Variants in CACNA1S observed in about 807,000 individuals in gnomAD.
CACNA1S encodes the protein voltage-dependent L-type calcium channel subunit alpha-1S.
CACNA1S carries 126 observed loss-of-function variants against 207.4 expected under a neutral mutation model. That is an observed-to-expected ratio of 0.61 (90% confidence interval 0.53 to 0.70). The LOEUF is 0.70. Ranked by LOEUF, CACNA1S falls within the 30% of genes least tolerant of loss-of-function variation. CACNA1S has a pLI of 0.00. For missense variants in CACNA1S, 2,349 were observed against 2,422.8 expected, an observed-to-expected ratio of 0.97 and a Z score of 0.64; for synonymous variants, 960 against 932.7, an observed-to-expected ratio of 1.03 and a Z score of -0.53.
At chr1:201,052,471 C>G (rs1356614708) in intron 32 of CACNA1S, 86 bp downstream of exon 32, 12 of 1,074,386 alleles carry the variant, frequency 1.1e-5, no homozygotes, top group Non-Finnish European at 1.7e-5. Flanking sequence ...ACCCATGAAG[C>G]CAGCCCTGGC....
intron 10 of CACNA1S, among the ~76,000 whole-genome samples, chr1:201,080,673 C>A (rs1458045056): frequency 6.6e-6 from 1 of 152,150 alleles, no homozygotes; most frequent in African/African-American, 2.4e-5. Flanking sequence ...CTGCCAGCTT[C>A]CATTGATTGT....
intron 10 of CACNA1S, among the ~76,000 whole-genome samples, chr1:201,081,750 G>A (rs761193708): frequency 3.3e-5 from 5 of 152,216 alleles, no homozygotes; most frequent in Non-Finnish European, 5.9e-5. Flanking sequence ...CTCATGAATG[G>A]CTTGGGCCAT....
At chr1:201,085,675 G>A in intron 7 of CACNA1S, 94 bp from the exon 8 acceptor site, 2 of 1,454,120 alleles carry the variant, frequency 1.4e-6, no homozygotes, top group Non-Finnish European at 1.9e-6. Context: ...CCCATTCTGT[G>A]ACTGGAGCGC....
intron 5 of CACNA1S, among the ~76,000 whole-genome samples, chr1:201,091,246 A>C (rs1662217202): frequency 6.6e-6 from 1 of 152,154 alleles, no homozygotes; most frequent in African/African-American, 2.4e-5. Flanking sequence ...TTCAGACCCT[A>C]TTCTGGGTGC....
chr1:201,060,046 C>T (rs1213572367), intron 26 of CACNA1S, among the ~76,000 whole-genome samples: 3 of 152,226 alleles, frequency 2.0e-5, no homozygotes, highest in East Asian at 1.9e-4. Flanking sequence ...TGATGATCCT[C>T]TGCGACCTGG....
intron 18 of CACNA1S, 28 bp downstream of exon 18, chr1:201,069,444 G>A (rs1279996765): frequency 6.2e-7 from 1 of 1,605,708 alleles, no homozygotes; most frequent in South Asian, 1.1e-5. Context: ...CAGGGGTGCT[G>A]AGTGGCAGAG....
At chr1:201,083,369 GC>G in intron 9 of CACNA1S, 47 bp from the exon 10 acceptor site, 1 of 1,597,688 alleles carries the variant, frequency 6.3e-7, no homozygotes, top group Non-Finnish European at 8.6e-7. Context: ...GCTGTTCTAC[GC>G]CCCACCTGTC....
In CACNA1S at chr1:201,053,455, G is replaced by T; in HGVS notation, c.3795+4C>A. On this transcript the variant is annotated splice_donor_region_variant and intron_variant, in intron 30 of 43. Coordinates refer to ENST00000362061, the MANE Select transcript of CACNA1S (RefSeq NM_000069.3). The surrounding 1 kb of genome is among the most constrained non-coding windows in gnomAD (Gnocchi z 5.1). ...ACGTGCAGTTTCCAGGGTCCCTGTT[G>T]CACCTGGAAGGACTTGATGAACGTC... 4.3e-6 allele frequency: 7 copies of T among 1,614,156 alleles called. No individual in the cohort carries two copies. The highest frequency in any genetic ancestry group is 5.9e-6 in the Non-Finnish European group (7 of 1,180,016).
At chr1:201,047,497 G>A (rs778716640) in intron 37 of CACNA1S, 28 bp downstream of exon 37, 2 of 1,569,006 alleles carry the variant, frequency 1.3e-6, no homozygotes, top group South Asian at 1.1e-5. Context: ...GCTGCTTCTG[G>A]ACTCTGGTCC....
chr1:201,099,910 T>G (rs1292770957), intron 2 of CACNA1S, among the ~76,000 whole-genome samples: 2 of 151,856 alleles, frequency 1.3e-5, no homozygotes, highest in Admixed American at 1.3e-4. Flanking sequence ...GTCTCAGGGG[T>G]AGAGCTCACA....
chr1:201,069,002 G>T, intron 19 of CACNA1S, 135 bp downstream of exon 19: 2 of 795,178 alleles, frequency 2.5e-6, no homozygotes, highest in East Asian at 2.7e-5. Context: ...CTGCCGGTGT[G>T]CTGGGTCCCA....
chr1:201,100,982 A>C (rs1478069849), intron 2 of CACNA1S, among the ~76,000 whole-genome samples: 1 of 152,196 alleles, frequency 6.6e-6, no homozygotes, highest in Non-Finnish European at 1.5e-5. Flanking sequence ...TCTTTAGCCT[A>C]GAAAGCGGAT....
At chr1:201,078,408 C>T (rs1181012593) in intron 10 of CACNA1S, among the ~76,000 whole-genome samples, 1 of 151,562 alleles carries the variant, frequency 6.6e-6, no homozygotes, top group Non-Finnish European at 1.5e-5. Context: ...TCATGTTGCC[C>T]AGGCTGGTCT....
chr1:201,068,835 G>A (rs1224864060), intron 19 of CACNA1S, among the ~76,000 whole-genome samples: 3 of 152,088 alleles, frequency 2.0e-5, no homozygotes, highest in African/African-American at 4.8e-5. Flanking sequence ...TAGTGCCATT[G>A]CACTCCAGCC....
chr1:201,086,906 T>C (rs1381530687), intron 7 of CACNA1S, among the ~76,000 whole-genome samples: 1 of 152,238 alleles, frequency 6.6e-6, no homozygotes, highest in Non-Finnish European at 1.5e-5. Flanking sequence ...TTGTTGCCTA[T>C]GTTCATTACT....
At position 201,084,973 on chromosome 1, in the gene CACNA1S, G is replaced by A. The variant is rs1558076490; in HGVS notation, c.1209C>T (p.Gly403=). Residue 403 remains glycine, a synonymous_variant, in exon 9 of 44, where the codon GGC becomes GGT. Transcript: ENST00000362061. ...ACATGAACTGGATGATTTTGTTCAA[G>A]CCTGCAATTTCATACAGGCTCTCTG... ...SDTESLYEIA[G]LNKIIQFIRH... 1 of 1,612,792 alleles carries A rather than the reference G, an allele frequency of 6.2e-7. No individual in the cohort carries two copies. The highest frequency in any genetic ancestry group is 8.5e-7 in the Non-Finnish European group (1 of 1,179,676).
chr1:201,073,583 T>G lies in CACNA1S; in HGVS notation c.2123A>C (p.Lys708Thr). Residue 708 changes from lysine to threonine, a missense_variant, in exon 15 of 44, where the codon AAA becomes ACA. Transcript: ENST00000362061. ...GGTGGGGATGCCCTCACCCTTGGGT[T>G]TCTGCTCCAGCTTCTTGGCCATCGT... ...KSTMAKKLEQ[K>T]PKGEGIPTTA... The G allele has an allele frequency of 6.2e-7, 1 of 1,614,258 alleles. No homozygotes were observed. Among genetic ancestry groups the G allele is most frequent in the Non-Finnish European group, 8.5e-7 (1 of 1,180,040 alleles).
Position 201,112,240 on chromosome 1 carries a change from G to A in CACNA1S, c.100C>T (p.Leu34=). The change falls in exon 1 of 44, where the codon CTG becomes TTG. Residue 34 remains leucine (L), a synonymous_variant. Transcript: ENST00000362061. Reference sequence around the variant, plus strand: ...TTCCTCAGGGGGTTCTCCAGGGTCAGGCAGAACAAGGCCCGGGGTGGCCTT... The same window carrying A: ...TTCCTCAGGGGGTTCTCCAGGGTCAAGCAGAACAAGGCCCGGGGTGGCCTT... ...LPRPPRALFC[L]TLENPLRKAC... is the part of the protein sequence containing the mutation. The A allele has an allele frequency of 6.2e-7, 1 of 1,613,984 alleles. No individual in the cohort carries two copies. The highest frequency in any genetic ancestry group is 1.7e-5 in the Admixed American group (1 of 60,016).
Position 201,061,431 on chromosome 1 carries a change from CGTCCTCCGCATTGGA to C in CACNA1S, c.3076_3090del (p.Ser1026_Asp1030del), listed in dbSNP as rs757138916. The C allele has an allele frequency of 1.9e-6, 3 of 1,614,088 alleles. No individual in the cohort carries two copies. In the Admixed American group the frequency reaches 5.0e-5, roughly 27 times the overall value. On this transcript the variant is annotated inframe_deletion, in exon 25 of 44. Coordinates refer to ENST00000362061, the MANE Select transcript of CACNA1S (RefSeq NM_000069.3). ...ACACGGTTGTTGTAGATGGGACCCA[CGTCCTCCGCATTGGA>C]GTCTATGGCCTTGTACAGCAGCCTG... is the stretch of plus-strand genomic sequence containing the variant.
Sources: allele counts gnomAD v4.1 joint callset (sites outside exome capture counted in the v4.1 genomes callset), GRCh38; gene constraint gnomAD v4.1.1; non-coding constraint Gnocchi (gnomAD v3.1); transcripts MANE v1.5; gene names NCBI Gene and HGNC (gene_info 2026-07-23, HGNC 2026-07-21).